The following PRKG1 variants were observed in gnomAD, a reference collection of about 807,000 sequenced individuals.
The protein encoded by PRKG1 is protein kinase cGMP-dependent 1.
In PRKG1, 35 loss-of-function variants were observed where a neutral mutation model predicts 88.1. The ratio of observed to expected loss-of-function variants is 0.40; its 90% CI spans 0.30 to 0.53. The LOEUF is 0.53. Ranked by LOEUF, PRKG1 falls within the 20% of genes least tolerant of loss-of-function variation. The pLI, the probability that PRKG1 is intolerant of heterozygous loss-of-function variation, is 0.59. For synonymous variants in PRKG1, 303 were observed against 292.5 expected (o/e 1.04, Z -0.37); for missense variants, 540 against 839.8 (o/e 0.64, Z 4.41).
At chr10:51,938,340 A>G (rs1199458120) in intron 5 of PRKG1, among the ~76,000 whole-genome samples, 4 of 152,056 alleles carry the variant, frequency 2.6e-5, no homozygotes, top group African/African-American at 7.2e-5. Flanking sequence ...AGGAGAAAAG[A>G]TAGTATATAT....
chr10:51,960,610 C>T (rs1409035190), intron 5 of PRKG1, among the ~76,000 whole-genome samples: 2 of 151,336 alleles, frequency 1.3e-5, no homozygotes, highest in African/African-American at 2.4e-5. Flanking sequence ...AAAATAAAGA[C>T]GACGTAACCA....
At chr10:51,840,590 A>G (rs898096529) in intron 4 of PRKG1, among the ~76,000 whole-genome samples, 1 of 151,442 alleles carries the variant, frequency 6.6e-6, no homozygotes, top group African/African-American at 2.4e-5. Context: ...TTTGTCACCT[A>G]GGCTGGAGTG....
At chr10:51,278,539 C>A (rs1840198449) in intron 2 of PRKG1, among the ~76,000 whole-genome samples, 1 of 152,140 alleles carries the variant, frequency 6.6e-6, no homozygotes, top group African/African-American at 2.4e-5. Flanking sequence ...GTACCAGCTC[C>A]TCCTTGTACC....
At chr10:51,942,979 A>T (rs1368721076) in intron 5 of PRKG1, among the ~76,000 whole-genome samples, 1 of 151,844 alleles carries the variant, frequency 6.6e-6, no homozygotes, top group Non-Finnish European at 1.5e-5. Flanking sequence ...GTTTTTTCCA[A>T]TTCTGTGAAG....
At position 51,621,009 on chromosome 10, in the gene PRKG1, G is replaced by GTATATA. The variant is rs55657310; in HGVS notation, c.592+153191_592+153196dup. Among the ~76,000 whole-genome samples the GTATATA allele has an allele frequency of 1.3e-3, 162 of 121,902 alleles. No individual in the cohort carries two copies. The Middle Eastern group carries it at 0.033, about 25-fold the overall frequency. 80.0% of individuals were successfully genotyped at this position (121,902 alleles called of 152,430 possible). On this transcript the variant is annotated intron_variant, in intron 3 of 17. Transcript: ENST00000373980. ...TGTGTGTGTGTGTGTGTATATGTGT[G>GTATATA]TATATATATATATATATATATATGA...
intron 2 of PRKG1, among the ~76,000 whole-genome samples, chr10:51,278,277 A>G (rs1362755185): frequency 6.6e-6 from 1 of 152,116 alleles, no homozygotes; most frequent in South Asian, 2.1e-4. Flanking sequence ...CGTATGTTGA[A>G]CCAGCCTTGC....
chr10:51,915,024 A>C (rs964991006), intron 5 of PRKG1, among the ~76,000 whole-genome samples: 1 of 152,204 alleles, frequency 6.6e-6, no homozygotes, highest in Non-Finnish European at 1.5e-5. Context: ...TGGGAAAAGG[A>C]GGTTAATGTA....
chr10:51,255,138 T>C (rs1038453147), intron 2 of PRKG1, among the ~76,000 whole-genome samples: 2 of 152,086 alleles, frequency 1.3e-5, no homozygotes, highest in Non-Finnish European at 2.9e-5. Context: ...GTAATAATAA[T>C]TTATATAAAC....
intron 2 of PRKG1, among the ~76,000 whole-genome samples, chr10:51,338,981 A>G (rs1841942140): frequency 6.6e-6 from 1 of 152,198 alleles, no homozygotes. Flanking sequence ...CCATGTTTGG[A>G]AAGCCCTGGG....
chr10:51,818,863 C>T (rs1366617669), intron 4 of PRKG1, among the ~76,000 whole-genome samples: 1 of 130,146 alleles, frequency 7.7e-6, no homozygotes, highest in East Asian at 2.2e-4. Context: ...AAAAATTAGC[C>T]GGGCGTAGTG....
chr10:52,165,716 C>T (rs769857247), intron 9 of PRKG1, among the ~76,000 whole-genome samples: 1 of 152,082 alleles, frequency 6.6e-6, no homozygotes, highest in African/African-American at 2.4e-5. Flanking sequence ...ATTGACTATG[C>T]CTATTTGGGT....
intron 3 of PRKG1, among the ~76,000 whole-genome samples, chr10:51,762,612 T>G (rs1268787748): frequency 1.3e-5 from 2 of 152,200 alleles, no homozygotes; most frequent in African/African-American, 4.8e-5. Flanking sequence ...ATGACTTTTT[T>G]TTACCTAGGA....
At chr10:51,018,085 G>A (rs1843091993) in intron 1 of PRKG1, among the ~76,000 whole-genome samples, 1 of 152,168 alleles carries the variant, frequency 6.6e-6, no homozygotes, top group Non-Finnish European at 1.5e-5. Context: ...GCCTCCTATA[G>A]GGTTGGGATT....
chr10:51,554,108 G>T lies in PRKG1; in HGVS notation c.592+86272G>T. Among the ~76,000 whole-genome samples the T allele has an allele frequency of 1.5e-5, 2 of 137,904 alleles. 1 individual carries two copies. The highest frequency in any genetic ancestry group is 3.1e-5 in the Non-Finnish European group (2 of 65,254). 90.5% of individuals were successfully genotyped at this position (137,904 alleles called of 152,430 possible). Reference sequence around the variant, plus strand: ...TGATACGTGTATATATTATATGTGCGTATGTGATACGTGTATATATTATAT... The same window carrying T: ...TGATACGTGTATATATTATATGTGCTTATGTGATACGTGTATATATTATAT... On this transcript the variant is annotated intron_variant, in intron 3 of 17. Transcript: ENST00000373980.
intron 1 of PRKG1, among the ~76,000 whole-genome samples, chr10:51,058,830 T>C (rs1040746424): frequency 1.3e-5 from 2 of 152,194 alleles, no homozygotes; most frequent in Admixed American, 1.3e-4. Context: ...AATAGAATTA[T>C]TGTATATCAC....
intron 9 of PRKG1, among the ~76,000 whole-genome samples, chr10:52,168,943 A>AT (rs1424386669): frequency 6.6e-6 from 1 of 152,072 alleles, no homozygotes; most frequent in Non-Finnish European, 1.5e-5. Context: ...TACTTTTGAG[A>AT]TATGGTTAGG....
At chr10:52,040,644 C>A (rs1244096681) in intron 5 of PRKG1, among the ~76,000 whole-genome samples, 1 of 152,106 alleles carries the variant, frequency 6.6e-6, no homozygotes, top group Non-Finnish European at 1.5e-5. Flanking sequence ...TTGACTTCCT[C>A]CTTTCCAATT....
intron 2 of PRKG1, among the ~76,000 whole-genome samples, chr10:51,216,522 C>T (rs976150725): frequency 3.3e-5 from 5 of 150,036 alleles, no homozygotes; most frequent in South Asian, 2.1e-4. Context: ...TTAAAAAACC[C>T]GAATATAACC....
At chr10:51,198,699 T>C (rs1461915526) in intron 2 of PRKG1, among the ~76,000 whole-genome samples, 2 of 152,214 alleles carry the variant, frequency 1.3e-5, no homozygotes, top group Non-Finnish European at 2.9e-5. Context: ...TCATTTTTCT[T>C]ATGCCGTCAG....
Sources: allele counts gnomAD v4.1 joint callset (sites outside exome capture counted in the v4.1 genomes callset), GRCh38; gene constraint gnomAD v4.1.1; transcripts MANE v1.5; gene names NCBI Gene and HGNC (gene_info 2026-07-23, HGNC 2026-07-21).